The following RNF130 variants were observed in gnomAD, a reference collection of about 807,000 sequenced individuals.
RNF130 encodes the protein E3 ubiquitin-protein ligase RNF130.
RNF130 carries 21 observed loss-of-function variants against 44.6 expected under a neutral mutation model. The observed-to-expected ratio is 0.47, with a 90% CI of 0.33 to 0.68. The LOEUF (loss-of-function observed/expected upper bound fraction) is 0.68, where lower values mean the gene tolerates loss of function less well. RNF130 is among the 30% of genes least tolerant of loss of function. The pLI is 0.02. For synonymous variants in RNF130, 214 were observed against 210.4 expected (o/e 1.02, Z -0.15); for missense variants, 479 against 560.6 (o/e 0.85, Z 1.47).
At chr5:180,020,456 C>A (rs116647742) in intron 2 of RNF130, among the ~76,000 whole-genome samples, 1 of 152,172 alleles carries the variant, frequency 6.6e-6, no homozygotes, top group Admixed American at 6.5e-5. Context: ...CAAAGACCAA[C>A]CTGTAATTTT....
chr5:179,925,958 T>A (rs978203348), intron 7 of RNF130, among the ~76,000 whole-genome samples: 1 of 152,128 alleles, frequency 6.6e-6, no homozygotes, highest in African/African-American at 2.4e-5. Flanking sequence ...GGGGGATGCA[T>A]GTGGCACGGA....
intron 7 of RNF130, among the ~76,000 whole-genome samples, chr5:179,949,381 C>T (rs1472782301): frequency 1.3e-5 from 2 of 151,790 alleles, no homozygotes; most frequent in East Asian, 3.9e-4. Context: ...CTTCCTGCCT[C>T]CTGAGTAGCT....
rs148913957 is a variant in RNF130 at position 179,960,199 on chromosome 5, C to T, written c.1244+3272G>A. On this transcript the variant is annotated intron_variant, in intron 8 of 8. Transcript: ENST00000521389. ...TTTGGGAATTGAAATTCAGTAACCTCGCTTACCTAGGTACTAAGAAACCGA... is the reference window on the plus strand; with the variant it reads ...TTTGGGAATTGAAATTCAGTAACCTTGCTTACCTAGGTACTAAGAAACCGA... Among the ~76,000 whole-genome samples, 392 of 152,244 alleles carry T rather than the reference C, an allele frequency of 2.6e-3. 1 individual carries two copies. Among genetic ancestry groups the T allele is most frequent in the African/African-American group, 9.1e-3 (380 of 41,538 alleles).
chr5:180,021,705 C>G lies in RNF130; in HGVS notation c.443-8394G>C, dbSNP rs969859015. The stretch of plus-strand genomic sequence containing the variant: ...AAAACTTTTAAAACCTAGAACCATT[C>G]AAGAGTAAGTTCCTGGCATGATGCC... On this transcript the variant is annotated intron_variant, in intron 2 of 8. Coordinates refer to ENST00000521389, the MANE Select transcript of RNF130 (RefSeq NM_018434.6). Among the ~76,000 whole-genome samples, 4 of 152,170 alleles carry G rather than the reference C, an allele frequency of 2.6e-5. No homozygotes were observed. The South Asian group carries it at 6.2e-4, about 24-fold the overall frequency.
chr5:180,045,548 G>A lies in RNF130; in HGVS notation c.248-4901C>T, dbSNP rs568066272. On this transcript the variant is annotated intron_variant, in intron 1 of 8. Transcript: ENST00000521389. ...TGGACCTCTGCACGTTGCCGCTGCT[G>A]GCTCGGGCAGCCTGCTTTTATTCCC... is the stretch of plus-strand genomic sequence containing the variant. Among the ~76,000 whole-genome samples the A allele has an allele frequency of 6.6e-5, 10 of 152,344 alleles. No homozygotes were observed. The South Asian group carries it at 1.0e-3, about 16-fold the overall frequency.
rs188133035 is a variant in RNF130 at position 179,944,974 on chromosome 5, C to T, written c.1150+21832G>A. Among the ~76,000 whole-genome samples, 6 of 152,248 alleles carry T rather than the reference C, an allele frequency of 3.9e-5. No individual in the cohort carries two copies. The East Asian group carries it at 1.2e-3, about 29-fold the overall frequency. On this transcript the variant is annotated intron_variant, in intron 7 of 7. Transcript: ENST00000522208. The stretch of plus-strand genomic sequence containing the variant: ...TGCCTTGGGCTTAATGGTATCTGCA[C>T]CTGTTGAAAGTTATAACTGGGCCAG...
chr5:180,022,894 A>C (rs183873081), intron 2 of RNF130, among the ~76,000 whole-genome samples: 28 of 152,380 alleles, frequency 1.8e-4, no homozygotes, highest in Non-Finnish European at 3.5e-4. Flanking sequence ...GAAAAGAAAC[A>C]TTAAGTAGAG....
intron 7 of RNF130, chr5:179,933,814 G>T: frequency 1.4e-6 from 1 of 726,682 alleles, no homozygotes; most frequent in Non-Finnish European, 2.4e-6. Flanking sequence ...ACTAGATAAA[G>T]AATCCCAGGA....
intron 7 of RNF130, among the ~76,000 whole-genome samples, chr5:179,936,964 G>A (rs1422435864): frequency 2.0e-5 from 3 of 152,154 alleles, no homozygotes; most frequent in Admixed American, 2.0e-4. Context: ...ACTCAAAATG[G>A]ATCAAATACC....
At chr5:179,970,993 G>T (rs1762569445) in intron 5 of RNF130, among the ~76,000 whole-genome samples, 1 of 152,162 alleles carries the variant, frequency 6.6e-6, no homozygotes. Context: ...TATGTTGAAT[G>T]TTTATAAAAG....
At chr5:179,950,471 A>C (rs1297213776), downstream of RNF130, among the ~76,000 whole-genome samples, 1 of 152,230 alleles carries the variant, frequency 6.6e-6, no homozygotes, top group Non-Finnish European at 1.5e-5. Context: ...ACAAAAATAC[A>C]TGTTTAAGGT....
At chr5:179,988,834 T>C (rs1183496938) in intron 3 of RNF130, among the ~76,000 whole-genome samples, 1 of 152,220 alleles carries the variant, frequency 6.6e-6, no homozygotes. Context: ...GTTCCATATG[T>C]TGAGGAAAAT....
At chr5:180,036,318 G>C (rs1764248568) in intron 2 of RNF130, among the ~76,000 whole-genome samples, 1 of 152,016 alleles carries the variant, frequency 6.6e-6, no homozygotes, top group Admixed American at 6.6e-5. Context: ...TTTTTAATAA[G>C]ACTGGTTTCC....
intron 3 of RNF130, among the ~76,000 whole-genome samples, chr5:179,989,154 C>T (rs1376897333): frequency 2.6e-5 from 4 of 152,190 alleles, no homozygotes; most frequent in Non-Finnish European, 4.4e-5. Flanking sequence ...GCAGGAGAAA[C>T]GCCAGACGCT....
chr5:179,912,457 C>T (rs1761479751), exon 8 of RNF130: 2 of 152,212 alleles, frequency 1.3e-5, no homozygotes, highest in Non-Finnish European at 2.9e-5. Context: ...TCCCAAGCCC[C>T]AGTCAGGAGA....
At chr5:179,940,440 CTT>C (rs1433721777) in intron 7 of RNF130, among the ~76,000 whole-genome samples, 8 of 151,834 alleles carry the variant, frequency 5.3e-5, no homozygotes. Context: ...AGGCTGGTCT[CTT>C]TTGCCAGGCT....
Position 180,062,668 on chromosome 5 carries a change from A to C in RNF130, c.247+8788T>G, listed in dbSNP as rs1322229735. Among the ~76,000 whole-genome samples, 5 of 152,238 alleles carry C rather than the reference A, an allele frequency of 3.3e-5. No homozygotes were observed. The East Asian group carries it at 9.6e-4, about 29-fold the overall frequency. ...CAAGGAAAGTGTCTATAAATACCTG[A>C]ACCATTTTTTTCCAGATGAAAAAGA... On this transcript the variant is annotated intron_variant, in intron 1 of 8. Coordinates refer to ENST00000521389, the MANE Select transcript of RNF130 (RefSeq NM_018434.6).
chr5:179,933,235 GT>G (rs1457004736), intron 7 of RNF130, among the ~76,000 whole-genome samples: 1 of 152,004 alleles, frequency 6.6e-6, no homozygotes, highest in Non-Finnish European at 1.5e-5. Flanking sequence ...TAGGCCCAGA[GT>G]TTTTCTTTGA....
intron 3 of RNF130, among the ~76,000 whole-genome samples, chr5:179,996,270 G>A (rs1763194561): frequency 6.6e-6 from 1 of 152,174 alleles, no homozygotes. Flanking sequence ...AATTGTTGGT[G>A]TATATACACA....
Sources: allele counts gnomAD v4.1 joint callset (sites outside exome capture counted in the v4.1 genomes callset), GRCh38; gene constraint gnomAD v4.1.1; transcripts MANE v1.5; gene names NCBI Gene and HGNC (gene_info 2026-07-23, HGNC 2026-07-21).